The following ADAM22 variants were observed in gnomAD, a reference collection of about 807,000 sequenced individuals.
ADAM22 encodes disintegrin and metalloproteinase domain-containing protein 22.
Under a neutral mutation model 144.6 loss-of-function variants are expected in ADAM22, and 65 were observed. The ratio of observed to expected loss-of-function variants is 0.45; its 90% confidence interval spans 0.37 to 0.55. The LOEUF (loss-of-function observed/expected upper bound fraction) is 0.55. Ranked by LOEUF, ADAM22 falls within the 20% of genes least tolerant of loss-of-function variation. The pLI is 0.00. For synonymous variants in ADAM22, 391 were observed against 412.6 expected, an observed-to-expected ratio of 0.95 and a Z score of 0.63; for missense variants, 974 against 1,184.9, an observed-to-expected ratio of 0.82 and a Z score of 2.61.
intron 4 of ADAM22, among the ~76,000 whole-genome samples, chr7:88,081,990 T>C (rs555547295): frequency 2.0e-3 from 306 of 152,130 alleles, no homozygotes; most frequent in African/African-American, 7.1e-3. Flanking sequence ...AAAACTACTT[T>C]AAAGTTCATA....
At chr7:88,132,615 C>A (rs945300398) in intron 11 of ADAM22, 52 of 345,874 alleles carry the variant, frequency 1.5e-4, no homozygotes, top group Non-Finnish European at 2.2e-4. Flanking sequence ...CAGAGTACAT[C>A]ATATCAACCA....
chr7:88,078,641 G>T (rs555269608), intron 4 of ADAM22, among the ~76,000 whole-genome samples: 39 of 152,308 alleles, frequency 2.6e-4, no homozygotes, highest in African/African-American at 6.7e-4. Context: ...CCAATGCAGA[G>T]AAGTCCTTAA....
At chr7:88,057,282 A>T (rs1399651712) in intron 3 of ADAM22, among the ~76,000 whole-genome samples, 1 of 152,136 alleles carries the variant, frequency 6.6e-6, no homozygotes, top group Admixed American at 6.5e-5. Context: ...CTTTTTAATG[A>T]TGGAATAACA....
intron 3 of ADAM22, among the ~76,000 whole-genome samples, chr7:87,993,012 G>A (rs921531475): frequency 4.6e-5 from 7 of 152,126 alleles, no homozygotes; most frequent in Non-Finnish European, 1.0e-4. Flanking sequence ...AGGTGAGTTC[G>A]CCTTTCCCCG....
chr7:88,165,910 G>C lies in ADAM22; in HGVS notation c.2155G>C (p.Asp719His). ...SDCNTYFPHNDDAKTGITLSG... is the reference protein window; with the variant it reads ...SDCNTYFPHNHDAKTGITLSG... ...TTGCAACACTTACTTCCCTCACAAT[G>C]ATGATGCAAAGACTGGTATCACTCT... is the stretch of plus-strand genomic sequence containing the variant. The change falls in exon 24 of 32, where the codon GAT becomes CAT. Residue 719 changes from aspartate (D) to histidine (H), a missense_variant. Physicochemically the swap from Asp to His is moderately conservative, Grantham distance 81. Around this residue, in one of 2 missense-constraint regions of ADAM22, gnomAD observed 734 missense variants for 950.6 expected, o/e 0.77. Coordinates refer to ENST00000413139, the MANE Select transcript of ADAM22 (RefSeq NM_001324418.2). The C allele has an allele frequency of 6.2e-7, 1 of 1,611,708 alleles. No homozygotes were observed. Among genetic ancestry groups the C allele is most frequent in the Non-Finnish European group, 8.5e-7 (1 of 1,178,818 alleles).
At chr7:88,070,988 G>A (rs1000960960) in intron 3 of ADAM22, among the ~76,000 whole-genome samples, 2 of 152,132 alleles carry the variant, frequency 1.3e-5, no homozygotes, top group South Asian at 2.1e-4. Flanking sequence ...GTTGTGATGA[G>A]GGACCATTTG....
At chr7:88,168,924 G>C (rs1457687206) in intron 25 of ADAM22, among the ~76,000 whole-genome samples, 1 of 152,004 alleles carries the variant, frequency 6.6e-6, no homozygotes, top group African/African-American at 2.4e-5. Flanking sequence ...ATCAAACTTA[G>C]GTAACTCAAA....
At chr7:87,945,555 C>A (rs1162465074) in intron 2 of ADAM22, among the ~76,000 whole-genome samples, 7 of 150,908 alleles carry the variant, frequency 4.6e-5, no homozygotes, top group African/African-American at 1.7e-4. Flanking sequence ...ACTCTGTCGC[C>A]AGGCTGGAGT....
intron 3 of ADAM22, among the ~76,000 whole-genome samples, chr7:88,000,432 T>C (rs1197842650): frequency 6.6e-6 from 1 of 152,174 alleles, no homozygotes; most frequent in Non-Finnish European, 1.5e-5. Flanking sequence ...TTCATTGTTT[T>C]TTATTTTATG....
chr7:88,182,561 C>A (rs772421248), intron 29 of ADAM22, among the ~76,000 whole-genome samples: 1 of 152,156 alleles, frequency 6.6e-6, no homozygotes, highest in Middle Eastern at 3.2e-3. Flanking sequence ...AGGGCATTTT[C>A]CTAAACTTGC....
chr7:88,150,985 C>A lies in ADAM22; in HGVS notation c.1571C>A (p.Ala524Asp). 1 of 1,612,814 alleles carries A rather than the reference C, an allele frequency of 6.2e-7. No individual in the cohort carries two copies. The highest frequency in any genetic ancestry group is 8.5e-7 in the Non-Finnish European group (1 of 1,179,094). The change falls in exon 19 of 32, where the codon GCC becomes GAC. Residue 524 changes from alanine to aspartate, a missense_variant. Ala to Asp is a moderately radical substitution (Grantham distance 126). This residue lies in a region of ADAM22 where 734 missense variants were observed against 950.6 expected (regional missense o/e 0.77). Transcript: ENST00000413139. ...ETCSGNSSQC[A>D]PNIHKMDGYS... is the part of the protein sequence containing the mutation. ...TAGTTGTTCTCTTTTTCCTAGTGTG[C>A]CCCTAATATTCATAAAATGGATGGA...
intron 3 of ADAM22, among the ~76,000 whole-genome samples, chr7:88,061,901 G>T (rs1809994326): frequency 7.0e-6 from 1 of 141,846 alleles, no homozygotes; most frequent in African/African-American, 2.7e-5. Flanking sequence ...GGAGTACAGT[G>T]ACACAATCAC....
At chr7:88,067,256 T>TA (rs770159304) in intron 3 of ADAM22, among the ~76,000 whole-genome samples, 5 of 151,340 alleles carry the variant, frequency 3.3e-5, no homozygotes, top group African/African-American at 9.7e-5. Context: ...TTTTTTTTTT[T>TA]AAATTATACT....
In ADAM22 at chr7:88,200,806, C is replaced by T. The variant is rs368999475; in HGVS notation, c.*4315C>T. 2 of 152,244 alleles carry T rather than the reference C, an allele frequency of 1.3e-5. No individual in the cohort carries two copies. Among genetic ancestry groups the T allele is most frequent in the Non-Finnish European group, 1.5e-5 (1 of 68,094 alleles). The allele number at this position is 152,244 out of a possible 1,614,324, so 9.4% of individuals were successfully genotyped here. A position where few individuals can be genotyped will look rare whatever the true frequency, so the allele number is the denominator to read the frequency against. ...AGATGTTTTTGAATGGATAAGACTA[C>T]TCTGGTTTTGGATGCAGCAACTTTT... On this transcript the variant is annotated 3_prime_UTR_variant, in exon 32 of 32. Transcript: ENST00000413139.
chr7:88,023,810 C>T (rs1421133513), intron 3 of ADAM22, among the ~76,000 whole-genome samples: 1 of 147,190 alleles, frequency 6.8e-6, no homozygotes, highest in Non-Finnish European at 1.5e-5. Flanking sequence ...TTTGGTACTC[C>T]TTAGCTACCC....
rs371197139 is a variant in ADAM22 at position 88,145,259 on chromosome 7, A to G, written c.1392+63A>G. 6 of 1,566,734 alleles carry G rather than the reference A, an allele frequency of 3.8e-6. No homozygotes were observed. In the African/African-American group the frequency reaches 5.4e-5, roughly 14 times the overall value. On this transcript the variant is annotated intron_variant, in intron 16 of 31. Coordinates refer to ENST00000413139, the MANE Select transcript of ADAM22 (RefSeq NM_001324418.2). ...ATTCAGGGTCATTCCAGGTCCACAC[A>G]CTGAGATGTATGGAGCAAATGTCAT...
chr7:87,992,987 A>G (rs1790257924), intron 3 of ADAM22, among the ~76,000 whole-genome samples: 1 of 152,290 alleles, frequency 6.6e-6, no homozygotes, highest in East Asian at 1.9e-4. Context: ...ACTAGTCAGG[A>G]TCACCGCAGA....
intron 3 of ADAM22, among the ~76,000 whole-genome samples, chr7:88,043,834 A>G (rs1803798334): frequency 6.6e-6 from 1 of 152,262 alleles, no homozygotes; most frequent in Non-Finnish European, 1.5e-5. Context: ...AGATACATCC[A>G]TGCAAATCCA....
chr7:87,992,554 G>A (rs1464490898), intron 3 of ADAM22, among the ~76,000 whole-genome samples: 5 of 152,146 alleles, frequency 3.3e-5, no homozygotes, highest in African/African-American at 1.2e-4. Context: ...TGAATAAGAA[G>A]CCTACTTTGA....
Sources: gnomAD v4.1 joint callset for allele counts (sites outside exome capture counted in the v4.1 genomes callset) on GRCh38, gnomAD v4.1.1 for gene constraint, gnomAD v4.1.1 regional missense constraint, MANE v1.5 for transcripts, NCBI Gene and HGNC (gene_info 2026-07-23, HGNC 2026-07-21) for gene names.